LRRTM4: variants seen among roughly 807,000 people sequenced by gnomAD.
LRRTM4 encodes leucine-rich repeat transmembrane neuronal protein 4.
LRRTM4 carries 25 observed loss-of-function variants against 47.6 expected under a neutral mutation model. The ratio of observed to expected loss-of-function variants is 0.53; its 90% CI spans 0.38 to 0.73. LRRTM4 has a LOEUF of 0.73. Among genes scored for constraint, LRRTM4 ranks in the 30% least tolerant of loss-of-function variants. The pLI is 0.00. For missense variants in LRRTM4, 638 were observed against 713.4 expected (o/e 0.89, Z 1.20); for synonymous variants, 311 against 269.5 (o/e 1.15, Z -1.51).
intron 3 of LRRTM4, among the ~76,000 whole-genome samples, chr2:76,796,914 A>AAAAAAGAAT (rs1233488207): frequency 1.3e-5 from 2 of 152,082 alleles, no homozygotes; most frequent in Non-Finnish European, 2.9e-5. Context: ...AAGTTTAGAG[A>AAAAAAGAAT]AAAAAGAATA....
At chr2:76,989,970 T>G (rs1485894566) in intron 3 of LRRTM4, 4 of 151,784 alleles carry the variant, frequency 2.6e-5, no homozygotes, top group African/African-American at 9.7e-5. Context: ...AATCATATTA[T>G]GTTTAAATAT....
At chr2:76,960,004 A>T (rs942903948) in intron 3 of LRRTM4, among the ~76,000 whole-genome samples, 1 of 151,606 alleles carries the variant, frequency 6.6e-6, no homozygotes, top group Non-Finnish European at 1.5e-5. Context: ...GCCAAACAAA[A>T]AAAAAAGCTA....
rs552678749 is a variant in LRRTM4 at position 77,379,624 on chromosome 2, C to A, written c.1551+138694G>T. On this transcript the variant is annotated intron_variant, in intron 3 of 3. Transcript: ENST00000409884. ...TTGTTAATTTTTATTTAAATATATT[C>A]TCTATTGGGTTATTTTTCTTCTTGC... Among the ~76,000 whole-genome samples, 144 of 152,066 alleles carry A rather than the reference C, an allele frequency of 9.5e-4. 1 individual carries two copies. The highest frequency in any genetic ancestry group is 3.4e-3 in the African/African-American group (142 of 41,550).
intron 3 of LRRTM4, among the ~76,000 whole-genome samples, chr2:76,936,223 T>C (rs1674940982): frequency 6.6e-6 from 1 of 151,964 alleles, no homozygotes; most frequent in Admixed American, 6.6e-5. Flanking sequence ...ATAAAGAAAA[T>C]ATGGTGCATA....
chr2:76,780,224 C>G (rs1343362640), intron 3 of LRRTM4, among the ~76,000 whole-genome samples: 1 of 152,172 alleles, frequency 6.6e-6, no homozygotes, highest in Non-Finnish European at 1.5e-5. Context: ...TTTGGTGAAT[C>G]TGACAATTAT....
At chr2:77,200,117 C>T (rs1301438312) in intron 3 of LRRTM4, among the ~76,000 whole-genome samples, 1 of 151,784 alleles carries the variant, frequency 6.6e-6, no homozygotes, top group Non-Finnish European at 1.5e-5. Context: ...CAGTGTTTCC[C>T]AACATACTTG....
intron 3 of LRRTM4, among the ~76,000 whole-genome samples, chr2:77,512,730 A>ACACAGAAAAGTCTC (rs1679068175): frequency 6.6e-6 from 1 of 152,102 alleles, no homozygotes; most frequent in Admixed American, 6.6e-5. Context: ...CATTTTATAA[A>ACACAGAAAAGTCTC]CACAGAAAAG....
At chr2:76,813,839 T>A (rs1670819200) in intron 3 of LRRTM4, among the ~76,000 whole-genome samples, 1 of 152,184 alleles carries the variant, frequency 6.6e-6, no homozygotes. Context: ...CAATTTCACG[T>A]ATTCTTACCA....
At chr2:76,905,728 C>G (rs1282125776) in intron 3 of LRRTM4, among the ~76,000 whole-genome samples, 5 of 150,270 alleles carry the variant, frequency 3.3e-5, no homozygotes, top group African/African-American at 9.8e-5. Context: ...ATGCGATCAA[C>G]TGGAAGAAAG....
chr2:77,164,019 T>C (rs1672808419), intron 3 of LRRTM4, among the ~76,000 whole-genome samples: 2 of 152,102 alleles, frequency 1.3e-5, no homozygotes, highest in Admixed American at 6.6e-5. Flanking sequence ...ACTGGCAAAT[T>C]GGATAAGCAG....
intron 3 of LRRTM4, among the ~76,000 whole-genome samples, chr2:77,041,063 C>T (rs1433159649): frequency 6.6e-6 from 1 of 151,324 alleles, no homozygotes; most frequent in Non-Finnish European, 1.5e-5. Flanking sequence ...TCAACCAACC[C>T]CTCCCCACAC....
chr2:77,230,327 T>C (rs914380777), intron 3 of LRRTM4, among the ~76,000 whole-genome samples: 3 of 152,104 alleles, frequency 2.0e-5, no homozygotes, highest in Non-Finnish European at 2.9e-5. Context: ...GCATACACCA[T>C]ACACATAGTA....
intron 3 of LRRTM4, among the ~76,000 whole-genome samples, chr2:76,928,770 C>T (rs1674669951): frequency 6.6e-6 from 1 of 152,026 alleles, no homozygotes. Context: ...GTCAAGTTTG[C>T]TACATAATTT....
At chr2:77,164,736 G>A (rs1573027390) in intron 3 of LRRTM4, among the ~76,000 whole-genome samples, 1 of 152,144 alleles carries the variant, frequency 6.6e-6, no homozygotes. Flanking sequence ...CAAAATGCGG[G>A]CAGAAATAAA....
At chr2:77,372,435 G>T (rs575507406) in intron 3 of LRRTM4, among the ~76,000 whole-genome samples, 1 of 151,806 alleles carries the variant, frequency 6.6e-6, no homozygotes, top group Admixed American at 6.6e-5. Flanking sequence ...CAGACTTTAA[G>T]AATCCTATTT....
intron 3 of LRRTM4, among the ~76,000 whole-genome samples, chr2:77,434,968 T>C (rs1228616609): frequency 6.6e-6 from 1 of 152,128 alleles, no homozygotes; most frequent in Non-Finnish European, 1.5e-5. Flanking sequence ...CATCCAGTTT[T>C]AGGGATTCTC....
intron 3 of LRRTM4, among the ~76,000 whole-genome samples, chr2:76,979,372 A>G (rs1417309675): frequency 6.6e-6 from 1 of 151,904 alleles, no homozygotes; most frequent in East Asian, 1.9e-4. Context: ...TTACATACTA[A>G]ACAGAGAAAA....
chr2:77,002,813 T>G (rs895236452), intron 3 of LRRTM4, among the ~76,000 whole-genome samples: 10 of 152,180 alleles, frequency 6.6e-5, no homozygotes, highest in African/African-American at 1.4e-4. Flanking sequence ...GAACACAGAA[T>G]CTAAGCTCTA....
In LRRTM4 at chr2:77,038,216, A is replaced by G. The variant is rs184646172; in HGVS notation, c.1552-289300T>C. ...TATGGTTTTCATTTATTCTTTACAA[A>G]TCATTTAAAAAGAGTCAAGGCCATG... is the stretch of plus-strand genomic sequence containing the variant. On this transcript the variant is annotated intron_variant, in intron 3 of 3. Transcript: ENST00000409884. Among the ~76,000 whole-genome samples the G allele has an allele frequency of 3.7e-3, 564 of 151,702 alleles. 3 individuals are homozygous for G. The highest frequency in any genetic ancestry group is 6.8e-3 in the Middle Eastern group (2 of 294).
Sources: allele counts gnomAD v4.1 joint callset (sites outside exome capture counted in the v4.1 genomes callset), GRCh38; gene constraint gnomAD v4.1.1; transcripts MANE v1.5; gene names NCBI Gene and HGNC (gene_info 2026-07-23, HGNC 2026-07-21).